The following ZNF850 variants were observed in gnomAD, a reference collection of about 807,000 sequenced individuals.
The protein encoded by ZNF850 is zinc finger protein 850.
In ZNF850, 2 loss-of-function variants were observed where a neutral mutation model predicts 11.9. The observed-to-expected ratio is 0.17, with a 90% CI of 0.07 to 0.53. The LOEUF is 0.53. Among genes scored for constraint, ZNF850 ranks in the 20% least tolerant of loss-of-function variants. The pLI is 0.94. For synonymous variants in ZNF850, 381 were observed against 443.0 expected (o/e 0.86, Z 1.76); for missense variants, 1,014 against 1,316.4 (o/e 0.77, Z 3.55).
At position 36,762,300 on chromosome 19, in the gene ZNF850, C is replaced by T. The variant is rs866016614; in HGVS notation, c.139+5G>A. 9.8e-6 allele frequency: 15 copies of T among 1,535,746 alleles called. No homozygotes were observed. The highest frequency in any genetic ancestry group is 1.3e-5 in the Non-Finnish European group (15 of 1,149,934). ...CATGAGTTATTTGCGGATAGACATC[C>T]TTACCTAGTGAGACCAGGCTGCTGT... On this transcript the variant is annotated splice_donor_5th_base_variant and intron_variant, in intron 3 of 4. Coordinates refer to ENST00000591344, the MANE Select transcript of ZNF850 (RefSeq NM_001193552.2).
rs1233323602 is a variant in ZNF850, at chr19:36,748,138, GGT to G, written c.2900_2901del (p.His967ProfsTer11). ...GTATGAATTCTCTGATGTAGAGTAA[GGT>G]GTGTACGCTGTCTGAAGGACTTCCC... is the stretch of plus-strand genomic sequence containing the variant. Reference protein sequence around the residue: ...TCGKSFRQRTHLTLHQRIHTG... With the variant: ...TCGKSFRQRTXLTLHQRIHTG... On this transcript the variant is annotated frameshift_variant, in exon 5 of 5. Coordinates refer to ENST00000591344, the MANE Select transcript of ZNF850 (RefSeq NM_001193552.2). LOFTEE classifies it low-confidence loss of function (END_TRUNC). 5 of 1,550,300 alleles carry G rather than the reference GGT, an allele frequency of 3.2e-6. No individual in the cohort carries two copies. Among genetic ancestry groups the G allele is most frequent in the Non-Finnish European group, 4.3e-6 (5 of 1,150,390 alleles).
intron 1 of ZNF850, among the ~76,000 whole-genome samples, chr19:36,767,944 C>T (rs1473867089): frequency 6.6e-6 from 1 of 152,152 alleles, no homozygotes; most frequent in East Asian, 1.9e-4. Context: ...TTTTCCAGTA[C>T]ACTGAGACAC....
chr19:36,766,673 G>A (rs1217947983), intron 1 of ZNF850, among the ~76,000 whole-genome samples: 1 of 152,074 alleles, frequency 6.6e-6, no homozygotes. Flanking sequence ...TTTAATTTAT[G>A]TGCATTTTAC....
intron 4 of ZNF850, among the ~76,000 whole-genome samples, chr19:36,751,207 G>A (rs1239988374): frequency 6.6e-6 from 1 of 151,718 alleles, no homozygotes; most frequent in Non-Finnish European, 1.5e-5. Flanking sequence ...TCTAATCACT[G>A]GAAAAACACC....
rs774830815 is a variant in ZNF850 at position 36,748,948 on chromosome 19, C to T, written c.2092G>A (p.Glu698Lys). The change falls in exon 5 of 5, where the codon GAG (glutamate) becomes AAG (lysine). Residue 698 changes from glutamate (E) to lysine (K), a missense_variant. Glu to Lys is a moderately conservative substitution (Grantham distance 56, BLOSUM62 1). Coordinates refer to ENST00000591344, the MANE Select transcript of ZNF850 (RefSeq NM_001193552.2). ...CATTCTTTACATTCATAAGGTTTCTCACCAGTATGAATTCTCCGATGTTGA... is the reference window on the plus strand; with the variant it reads ...CATTCTTTACATTCATAAGGTTTCTTACCAGTATGAATTCTCCGATGTTGA... The part of the protein sequence containing the change: ...LNQHRRIHTG[E>K]KPYECKECGK... The T allele has an allele frequency of 4.4e-6, 7 of 1,587,320 alleles. No homozygotes were observed. The highest frequency in any genetic ancestry group is 1.1e-5 in the South Asian group (1 of 88,578).
At chr19:36,759,790 C>T (rs182716805) in intron 4 of ZNF850, among the ~76,000 whole-genome samples, 30 of 152,234 alleles carry the variant, frequency 2.0e-4, no homozygotes, top group South Asian at 8.3e-4. Context: ...ACAATTAAAA[C>T]GCTTTTTAAA....
At chr19:36,758,031 A>G (rs1456914518) in intron 4 of ZNF850, among the ~76,000 whole-genome samples, 2 of 152,324 alleles carry the variant, frequency 1.3e-5, no homozygotes, top group East Asian at 3.9e-4. Flanking sequence ...TTACAGTTAA[A>G]TCTAATTAGC....
chr19:36,756,595 G>A (rs894590486), intron 4 of ZNF850, among the ~76,000 whole-genome samples: 7 of 152,090 alleles, frequency 4.6e-5, no homozygotes, highest in Non-Finnish European at 8.8e-5. Context: ...ATCCCATTAT[G>A]TGGATATACC....
In ZNF850 at chr19:36,748,546, G is replaced by A. The variant is rs1258852997; in HGVS notation, c.2494C>T (p.Arg832Trp). The A allele has an allele frequency of 2.7e-5, 42 of 1,537,376 alleles. No individual in the cohort carries two copies. Among genetic ancestry groups the A allele is most frequent in the Non-Finnish European group, 3.3e-5 (38 of 1,146,968 alleles). The change falls in exon 5 of 5, where the codon CGG becomes TGG. Residue 832 changes from arginine (R) to tryptophan (W), a missense_variant. Physicochemically the swap from Arg to Trp is moderately radical, Grantham distance 101. Around this residue, in one of 2 missense-constraint regions of ZNF850, gnomAD observed 835 missense variants for 1,022.0 expected, o/e 0.82. Transcript: ENST00000591344. ...FTLRSALIQH[R>W]PVHTGEKRYS... ...CGTTTCTCACCAGTGTGAACTGGCCGATGTTGAATTAGTGCTGAGCGAAGA... is the reference window on the plus strand; with the variant it reads ...CGTTTCTCACCAGTGTGAACTGGCCAATGTTGAATTAGTGCTGAGCGAAGA...
Position 36,761,624 on chromosome 19 carries a change from G to A in ZNF850, c.235+19C>T. 1 of 1,450,156 alleles carries A rather than the reference G, an allele frequency of 6.9e-7. No homozygotes were observed. Among genetic ancestry groups the A allele is most frequent in the Non-Finnish European group, 9.4e-7 (1 of 1,068,574 alleles). 89.8% of individuals were successfully genotyped at this position (1,450,156 alleles called of 1,614,324 possible). ...TTCTAAACAGCAGTGTCTTCCCCATGTGCTCAGTCCTTACTCACCTCGGCA... is the reference window on the plus strand; with the variant it reads ...TTCTAAACAGCAGTGTCTTCCCCATATGCTCAGTCCTTACTCACCTCGGCA... On this transcript the variant is annotated intron_variant, in intron 4 of 4. Transcript: ENST00000591344.
chr19:36,758,806 T>C (rs1415214056), intron 4 of ZNF850, among the ~76,000 whole-genome samples: 1 of 152,118 alleles, frequency 6.6e-6, no homozygotes. Flanking sequence ...AGGCCGGGTG[T>C]AGTGGCTCAT....
At position 36,748,261 on chromosome 19, in the gene ZNF850, A is replaced by G; in HGVS notation, c.2779T>C (p.Cys927Arg). ...ACAAAGGCTTTTCCACATTCATGAC[A>G]TCGATAAGGTTTCTCACCAGTATGG... is the stretch of plus-strand genomic sequence containing the variant. ...RIHTGEKPYR[C>R]HECGKAFVRF... Residue 927 changes from cysteine to arginine, a missense_variant, in exon 5 of 5, where the codon TGT (cysteine) becomes CGT (arginine). Coordinates refer to ENST00000591344, the MANE Select transcript of ZNF850 (RefSeq NM_001193552.2). The G allele has an allele frequency of 6.4e-7, 1 of 1,556,250 alleles. No homozygotes were observed. The highest frequency in any genetic ancestry group is 8.7e-7 in the Non-Finnish European group (1 of 1,154,398).
chr19:36,767,768 G>A (rs2040557491), intron 1 of ZNF850, among the ~76,000 whole-genome samples: 2 of 151,028 alleles, frequency 1.3e-5, no homozygotes, highest in Admixed American at 6.6e-5. Flanking sequence ...TTTTATTTGG[G>A]GGAAAAAAAA....
intron 4 of ZNF850, 110 bp downstream of exon 4, chr19:36,761,533 A>T (rs757954494): frequency 1.8e-6 from 1 of 547,116 alleles, no homozygotes; most frequent in Non-Finnish European, 3.2e-6. Flanking sequence ...CCACCCTTAC[A>T]TGGGACCTTG....
chr19:36,752,892 G>A (rs905359479), intron 4 of ZNF850, among the ~76,000 whole-genome samples: 15 of 152,224 alleles, frequency 9.9e-5, no homozygotes, highest in Non-Finnish European at 2.2e-4. Flanking sequence ...TATTCAAGAT[G>A]GAACAGCTAA....
chr19:36,753,443 A>AAAAAAAAAAAC (rs2040466477), intron 4 of ZNF850, among the ~76,000 whole-genome samples: 1 of 145,144 alleles, frequency 6.9e-6, no homozygotes, highest in Non-Finnish European at 1.5e-5. Flanking sequence ...AAAAAAAAAA[A>AAAAAAAAAAAC]AAAGCCGGGT....
chr19:36,754,915 A>G (rs576793574), intron 4 of ZNF850, among the ~76,000 whole-genome samples: 1 of 152,294 alleles, frequency 6.6e-6, no homozygotes, highest in East Asian at 1.9e-4. Context: ...CCCAGAAAAT[A>G]TAAAAGGATA....
At chr19:36,753,269 A>AG (rs2040464178) in intron 4 of ZNF850, among the ~76,000 whole-genome samples, 1 of 97,130 alleles carries the variant, frequency 1.0e-5, no homozygotes, top group Non-Finnish European at 2.3e-5. Flanking sequence ...ACTTCATCTC[A>AG]GGAAAAAAAA....
At chr19:36,770,608 C>G (rs914909201) in intron 1 of ZNF850, among the ~76,000 whole-genome samples, 1 of 145,952 alleles carries the variant, frequency 6.9e-6, no homozygotes, top group Non-Finnish European at 1.5e-5. Flanking sequence ...CGGGAGGCTG[C>G]GGCAGAAGAA....
Sources: gnomAD v4.1 joint callset for allele counts (sites outside exome capture counted in the v4.1 genomes callset) on GRCh38, gnomAD v4.1.1 for gene constraint, gnomAD v4.1.1 regional missense constraint, MANE v1.5 for transcripts, NCBI Gene and HGNC (gene_info 2026-07-23, HGNC 2026-07-21) for gene names.